PINX1: variants seen among roughly 807,000 people sequenced by gnomAD.
PINX1 encodes PIN2/TERF1-interacting telomerase inhibitor 1.
A neutral mutation model predicts 25.4 loss-of-function variants in PINX1; 34 were observed. The observed-to-expected ratio is 1.34, with a 90% CI of 1.02 to 1.78. The LOEUF (loss-of-function observed/expected upper bound fraction) is 1.78. Ranked by LOEUF, PINX1 falls within the 40% of genes most tolerant of loss-of-function variation. PINX1 has a pLI of 0.00. For missense variants in PINX1, 592 were observed against 404.9 expected, an observed-to-expected ratio of 1.46 and a Z score of -3.97; for synonymous variants, 197 against 147.7, an observed-to-expected ratio of 1.33 and a Z score of -2.42.
chr8:10,802,597 G>T (rs1175314633), intron 6 of PINX1, among the ~76,000 whole-genome samples: 1 of 152,106 alleles, frequency 6.6e-6, no homozygotes, highest in African/African-American at 2.4e-5. Flanking sequence ...CTTCCTAACT[G>T]CTTGCTACTC....
intron 5 of PINX1, among the ~76,000 whole-genome samples, chr8:10,821,167 T>C (rs1355091926): frequency 2.0e-5 from 3 of 152,242 alleles, no homozygotes; most frequent in African/African-American, 7.2e-5. Flanking sequence ...AATGTGAGTC[T>C]CACGCTGGAA....
At chr8:10,770,907 G>A (rs1409577140) in intron 6 of PINX1, among the ~76,000 whole-genome samples, 4 of 152,214 alleles carry the variant, frequency 2.6e-5, no homozygotes, top group Admixed American at 2.0e-4. Flanking sequence ...CGGAGGTCAT[G>A]CTGCAACAGT....
At chr8:10,778,970 C>T (rs1236115305) in intron 6 of PINX1, among the ~76,000 whole-genome samples, 2 of 152,124 alleles carry the variant, frequency 1.3e-5, no homozygotes, top group Admixed American at 6.5e-5. Flanking sequence ...TTGCAGAGCG[C>T]CTCTGGGAGG....
chr8:10,796,382 C>T (rs1027934711), intron 6 of PINX1, among the ~76,000 whole-genome samples: 1 of 152,054 alleles, frequency 6.6e-6, no homozygotes, highest in African/African-American at 2.4e-5. Flanking sequence ...CGCAAGAATC[C>T]GATGAGTTCC....
chr8:10,805,424 A>G (rs567578776), intron 6 of PINX1, among the ~76,000 whole-genome samples: 2 of 152,374 alleles, frequency 1.3e-5, no homozygotes, highest in African/African-American at 4.8e-5. Flanking sequence ...ATTGATGCTT[A>G]ACTTGCAGGA....
In PINX1 at chr8:10,826,130, G is replaced by A. The variant is rs1363441198; in HGVS notation, c.394+22C>T. On this transcript the variant is annotated intron_variant, in intron 5 of 6. Transcript: ENST00000314787. The stretch of plus-strand genomic sequence containing the variant: ...ACAAACACGTAGATTTCAATAACAA[G>A]TAAAGAAATGCTTAATCTTACCTTT... The A allele has an allele frequency of 2.2e-6, 3 of 1,335,056 alleles. No individual in the cohort carries two copies. In the South Asian group the frequency reaches 3.8e-5, roughly 17 times the overall value. The allele number at this position is 1,335,056 out of a possible 1,614,324, so 82.7% of individuals were successfully genotyped here. A position where few individuals can be genotyped will look rare whatever the true frequency, so the allele number is the denominator to read the frequency against.
chr8:10,830,174 A>C (rs1021705817), intron 4 of PINX1, among the ~76,000 whole-genome samples: 1 of 152,224 alleles, frequency 6.6e-6, no homozygotes, highest in African/African-American at 2.4e-5. Context: ...ATTGCCCTTC[A>C]TATTAGGACC....
chr8:10,805,451 C>T (rs941807831), intron 6 of PINX1, among the ~76,000 whole-genome samples: 2 of 151,488 alleles, frequency 1.3e-5, no homozygotes, highest in Admixed American at 1.3e-4. Context: ...CATACTAGTG[C>T]TGAGTGGGTG....
At chr8:10,781,503 A>G (rs1801584673) in intron 6 of PINX1, among the ~76,000 whole-genome samples, 4 of 152,250 alleles carry the variant, frequency 2.6e-5, no homozygotes, top group Admixed American at 2.6e-4. Flanking sequence ...CTCAGTAGCA[A>G]GAAAATACAT....
chr8:10,818,024 T>C (rs539085634), intron 6 of PINX1, among the ~76,000 whole-genome samples: 2 of 152,364 alleles, frequency 1.3e-5, no homozygotes, highest in Non-Finnish European at 2.9e-5. Context: ...GGCAGAACCC[T>C]GGCATTAGCA....
chr8:10,828,805 T>C (rs573480466), intron 4 of PINX1, among the ~76,000 whole-genome samples: 3 of 152,264 alleles, frequency 2.0e-5, no homozygotes, highest in Non-Finnish European at 2.9e-5. Flanking sequence ...AAGGCACAAC[T>C]TTCCTCTTAC....
In PINX1 at chr8:10,783,333, A is replaced by G. The variant is rs117074883; in HGVS notation, c.472-17417T>C. 6.7e-3 allele frequency among the ~76,000 whole-genome samples: 1,016 copies of G among 152,294 alleles called. 6 individuals are homozygous for G. Among genetic ancestry groups the G allele is most frequent in the South Asian group, 0.018 (85 of 4,826 alleles). On this transcript the variant is annotated intron_variant, in intron 6 of 6. Coordinates refer to ENST00000314787, the MANE Select transcript of PINX1 (RefSeq NM_017884.6). The stretch of plus-strand genomic sequence containing the variant: ...GATGAAATAGTGATTTCTGGGATGG[A>G]TTTGTTTCAAAGTAACACAGAAAGG...
At chr8:10,820,373 G>C (rs867999468) in intron 5 of PINX1, 104 bp from the exon 6 acceptor site, 2 of 779,390 alleles carry the variant, frequency 2.6e-6, no homozygotes, top group Middle Eastern at 4.5e-4. Flanking sequence ...TTTTGGGAAA[G>C]AAAGAAACAA....
rs561140662 is a variant in PINX1, at chr8:10,805,785, A to G, written c.471+14408T>C. Among the ~76,000 whole-genome samples the G allele has an allele frequency of 3.4e-3, 402 of 119,098 alleles. 31 individuals are homozygous for G. Among genetic ancestry groups the G allele is most frequent in the African/African-American group, 0.011 (373 of 32,908 alleles). The allele number at this position is 119,098 out of a possible 152,430, so 78.1% of individuals were successfully genotyped here. A position where few individuals can be genotyped will look rare whatever the true frequency, so the allele number is the denominator to read the frequency against. On this transcript the variant is annotated intron_variant, in intron 6 of 6. Coordinates refer to ENST00000314787, the MANE Select transcript of PINX1 (RefSeq NM_017884.6). ...GCCACACTAGTGCTGAGTGGGTGGC[A>G]GAGCACAGGAAGAAGCCACACTAGT...
intron 6 of PINX1, among the ~76,000 whole-genome samples, chr8:10,799,516 C>A (rs953761101): frequency 2.0e-5 from 3 of 152,192 alleles, no homozygotes; most frequent in African/African-American, 7.2e-5. Context: ...TTCCCCAACA[C>A]ACCTGCTTGG....
At chr8:10,837,448 G>C (rs1372459598) in intron 1 of PINX1, among the ~76,000 whole-genome samples, 7 of 152,150 alleles carry the variant, frequency 4.6e-5, no homozygotes, top group African/African-American at 1.7e-4. Context: ...ATAAATCTTA[G>C]CAGTGAGTGC....
At chr8:10,783,208 C>G (rs146422304) in intron 6 of PINX1, among the ~76,000 whole-genome samples, 1 of 152,108 alleles carries the variant, frequency 6.6e-6, no homozygotes, top group African/African-American at 2.4e-5. Context: ...TATGCAATTA[C>G]TATAAATTTT....
chr8:10,765,796 G>T lies in PINX1; in HGVS notation c.592C>A (p.Pro198Thr). 1.2e-6 allele frequency: 2 copies of T among 1,613,908 alleles called. No individual in the cohort carries two copies. The highest frequency in any genetic ancestry group is 1.7e-6 in the Non-Finnish European group (2 of 1,179,886). The change falls in exon 7 of 7, where the codon CCA becomes ACA. Residue 198 changes from proline to threonine, a missense_variant. Coordinates refer to ENST00000314787, the MANE Select transcript of PINX1 (RefSeq NM_017884.6). Reference protein sequence around the residue: ...ALKNKPQVPVPGSDISETQVE... With the variant: ...ALKNKPQVPVTGSDISETQVE... ...TGCGTCTCAGAAATGTCAGACCCTG[G>T]AACTGGAACCTGGGGCTTGTTCTTC...
intron 6 of PINX1, among the ~76,000 whole-genome samples, chr8:10,804,531 G>C (rs534660009): frequency 6.6e-6 from 1 of 152,074 alleles, no homozygotes; most frequent in Non-Finnish European, 1.5e-5. Context: ...TGCTGACATG[G>C]GACAGCAGCA....
Sources: allele counts gnomAD v4.1 joint callset (sites outside exome capture counted in the v4.1 genomes callset), GRCh38; gene constraint gnomAD v4.1.1; transcripts MANE v1.5; gene names NCBI Gene and HGNC (gene_info 2026-07-23, HGNC 2026-07-21).